Variants in CSMD1 observed in about 807,000 individuals in gnomAD.
CSMD1 encodes the protein CUB and Sushi multiple domains 1.
A neutral mutation model predicts 417.5 loss-of-function variants in CSMD1; 213 were observed. That is an observed-to-expected ratio of 0.51 (90% CI 0.46 to 0.57). CSMD1 has a LOEUF of 0.57. CSMD1 is among the 20% of genes least tolerant of loss of function. The pLI is 0.00. For synonymous variants in CSMD1, 2,862 were observed against 1,736.8 expected, an observed-to-expected ratio of 1.65 and a Z score of -16.11; for missense variants, 6,923 against 4,529.7, an observed-to-expected ratio of 1.53 and a Z score of -15.17.
intron 3 of CSMD1, among the ~76,000 whole-genome samples, chr8:4,192,074 C>A (rs928774989): frequency 6.6e-6 from 1 of 152,088 alleles, no homozygotes; most frequent in Non-Finnish European, 1.5e-5. Flanking sequence ...ATAGCCATTA[C>A]AGACAAACAG....
At chr8:3,780,109 G>C (rs1472579206) in intron 5 of CSMD1, among the ~76,000 whole-genome samples, 1 of 152,162 alleles carries the variant, frequency 6.6e-6, no homozygotes, top group Non-Finnish European at 1.5e-5. Flanking sequence ...TGTTGCATTA[G>C]AAGGCTTGCG....
At chr8:4,531,999 C>T (rs1039730790) in intron 2 of CSMD1, among the ~76,000 whole-genome samples, 4 of 148,582 alleles carry the variant, frequency 2.7e-5, no homozygotes, top group African/African-American at 9.9e-5. Context: ...AATCCTGCAC[C>T]CCCATTCAGT....
intron 3 of CSMD1, among the ~76,000 whole-genome samples, chr8:4,328,578 T>TG (rs1169760463): frequency 1.3e-5 from 2 of 151,940 alleles, no homozygotes; most frequent in African/African-American, 4.8e-5. Flanking sequence ...TTTAAAAAAA[T>TG]GAAAAAAAAT....
intron 1 of CSMD1, among the ~76,000 whole-genome samples, chr8:4,951,929 A>AT (rs1002725650): frequency 9.9e-5 from 15 of 151,556 alleles, no homozygotes; most frequent in Admixed American, 2.0e-4. Flanking sequence ...AAAAAAAATT[A>AT]TTTTTTCCCC....
intron 2 of CSMD1, 136 bp downstream of exon 2, chr8:4,637,206 T>G (rs1802872553): frequency 1.2e-5 from 8 of 652,038 alleles, no homozygotes; most frequent in Non-Finnish European, 2.1e-5. Flanking sequence ...GCTTCATTCT[T>G]GAAGTCAGCG....
chr8:4,019,074 G>C (rs1045030618), intron 4 of CSMD1, among the ~76,000 whole-genome samples: 1 of 152,170 alleles, frequency 6.6e-6, no homozygotes, highest in Non-Finnish European at 1.5e-5. Flanking sequence ...CCATTTGCTA[G>C]AAATTGTCTA....
At chr8:4,364,824 CA>C (rs60925117) in intron 3 of CSMD1, among the ~76,000 whole-genome samples, 1 of 84,856 alleles carries the variant, frequency 1.2e-5, no homozygotes, top group Non-Finnish European at 2.8e-5. Flanking sequence ...GACTCCTTCT[CA>C]AAAAAAAAAA....
chr8:3,534,691 T>C (rs1266033606), intron 10 of CSMD1, among the ~76,000 whole-genome samples: 1 of 152,220 alleles, frequency 6.6e-6, no homozygotes, highest in African/African-American at 2.4e-5. Context: ...TGTACATCCT[T>C]TTTCATTCTT....
chr8:3,812,925 T>C (rs1801163928), intron 5 of CSMD1, among the ~76,000 whole-genome samples: 1 of 152,306 alleles, frequency 6.6e-6, no homozygotes, highest in African/African-American at 2.4e-5. Flanking sequence ...TTTTGTCCTC[T>C]TTGATAACGT....
intron 12 of CSMD1, among the ~76,000 whole-genome samples, chr8:3,412,009 TATATACATATACAC>T (rs1812808153): frequency 1.8e-5 from 1 of 56,276 alleles, no homozygotes; most frequent in African/African-American, 7.9e-5. Context: ...TACACGTATA[TATATACATATACAC>T]ACGTATATAT....
At chr8:4,837,592 G>T (rs939504090) in intron 1 of CSMD1, among the ~76,000 whole-genome samples, 1 of 152,166 alleles carries the variant, frequency 6.6e-6, no homozygotes, top group Non-Finnish European at 1.5e-5. Context: ...AGAATACAAG[G>T]ATGGTTACCA....
chr8:4,699,394 A>T (rs1170652301), intron 1 of CSMD1, among the ~76,000 whole-genome samples: 1 of 152,144 alleles, frequency 6.6e-6, no homozygotes, highest in Non-Finnish European at 1.5e-5. Flanking sequence ...CCTTGTACTG[A>T]TCACTCTATC....
At chr8:3,247,843 A>G (rs570178947) in intron 26 of CSMD1, among the ~76,000 whole-genome samples, 1 of 152,230 alleles carries the variant, frequency 6.6e-6, no homozygotes, top group Non-Finnish European at 1.5e-5. Flanking sequence ...AAAATTAGGC[A>G]ATGTCAATAA....
intron 1 of CSMD1, among the ~76,000 whole-genome samples, chr8:4,883,466 T>A (rs1241137898): frequency 6.6e-6 from 1 of 152,138 alleles, no homozygotes; most frequent in Non-Finnish European, 1.5e-5. Context: ...GAAATACCCA[T>A]GACCATTAGC....
At chr8:3,849,882 C>G (rs1585088362) in intron 5 of CSMD1, among the ~76,000 whole-genome samples, 1 of 152,160 alleles carries the variant, frequency 6.6e-6, no homozygotes, top group Non-Finnish European at 1.5e-5. Flanking sequence ...GTGGCGCAAT[C>G]TCAGCTTCCT....
intron 5 of CSMD1, among the ~76,000 whole-genome samples, chr8:3,927,064 T>A (rs1385533984): frequency 6.6e-6 from 1 of 151,916 alleles, no homozygotes; most frequent in African/African-American, 2.4e-5. Context: ...TTATAAGAGG[T>A]AATTTAGTAT....
At chr8:4,945,274 G>C (rs1031908632) in intron 1 of CSMD1, among the ~76,000 whole-genome samples, 1 of 152,126 alleles carries the variant, frequency 6.6e-6, no homozygotes, top group Non-Finnish European at 1.5e-5. Flanking sequence ...CTGTTGAATG[G>C]GAACAGAGTT....
intron 5 of CSMD1, among the ~76,000 whole-genome samples, chr8:3,993,070 G>C (rs1277799107): frequency 2.0e-5 from 3 of 152,342 alleles, no homozygotes; most frequent in African/African-American, 7.2e-5. Context: ...AGAAAAGGCA[G>C]AGGAAATCAA....
At chr8:3,066,418 G>A (rs1812939577) in intron 49 of CSMD1, among the ~76,000 whole-genome samples, 1 of 152,184 alleles carries the variant, frequency 6.6e-6, no homozygotes, top group South Asian at 2.1e-4. Context: ...CTCCCTTCTT[G>A]CTGACTTTTC....
Sources: allele counts gnomAD v4.1 joint callset (sites outside exome capture counted in the v4.1 genomes callset), GRCh38; gene constraint gnomAD v4.1.1; transcripts MANE v1.5; gene names NCBI Gene and HGNC (gene_info 2026-07-23, HGNC 2026-07-21).